The following ZMIZ1 variants were observed in gnomAD, a reference collection of about 807,000 sequenced individuals.
ZMIZ1 encodes the protein zinc finger MIZ-type containing 1.
A neutral mutation model predicts 113.9 loss-of-function variants in ZMIZ1; 17 were observed. The ratio of observed to expected loss-of-function variants is 0.15; its 90% CI spans 0.10 to 0.22. The LOEUF is 0.22. ZMIZ1 is among the 10% of genes least tolerant of loss of function. The pLI is 1.00. For synonymous variants in ZMIZ1, 607 were observed against 603.1 expected (o/e 1.01, Z -0.09); for missense variants, 1,059 against 1,477.8 (o/e 0.72, Z 4.65).
chr10:79,165,394 G>A (rs1273855337), intron 4 of ZMIZ1, among the ~76,000 whole-genome samples: 1 of 152,194 alleles, frequency 6.6e-6, no homozygotes, highest in Non-Finnish European at 1.5e-5. Flanking sequence ...CCTAGCCTGA[G>A]TAGTGGCTCT....
At chr10:79,218,689 T>C (rs1410904776) in intron 7 of ZMIZ1, among the ~76,000 whole-genome samples, 3 of 151,824 alleles carry the variant, frequency 2.0e-5, no homozygotes, top group Non-Finnish European at 4.4e-5. Flanking sequence ...GGGGGTGTTG[T>C]TGAGGGCAGA....
At chr10:79,088,402 T>C (rs1842881180) in intron 1 of ZMIZ1, among the ~76,000 whole-genome samples, 1 of 152,106 alleles carries the variant, frequency 6.6e-6, no homozygotes, top group African/African-American at 2.4e-5. Flanking sequence ...TGTGGGCAAA[T>C]GAGCTCCAGC....
intron 4 of ZMIZ1, among the ~76,000 whole-genome samples, chr10:79,175,630 G>GTGTGTGTGTGTGTGTGTGTGTGT: frequency 1.0e-5 from 1 of 96,436 alleles, no homozygotes; most frequent in Non-Finnish European, 2.2e-5. Flanking sequence ...GTGTGTGTGT[G>GTGTGTGTGTGTGTGTGTGTGTGT]GAGGTTTTTA....
At chr10:79,240,159 A>T (rs368649591) in intron 7 of ZMIZ1, among the ~76,000 whole-genome samples, 7 of 126,490 alleles carry the variant, frequency 5.5e-5, no homozygotes, top group African/African-American at 1.6e-4. Flanking sequence ...AAGGAGCCGC[A>T]GCGCGGGGGC....
chr10:79,282,745 G>A (rs1046974007), intron 8 of ZMIZ1, among the ~76,000 whole-genome samples: 1 of 152,258 alleles, frequency 6.6e-6, no homozygotes, highest in Non-Finnish European at 1.5e-5. Context: ...ATATCTGGGG[G>A]TAAGGGTGGT....
At chr10:79,151,667 A>G (rs1845714827) in intron 3 of ZMIZ1, among the ~76,000 whole-genome samples, 1 of 151,986 alleles carries the variant, frequency 6.6e-6, no homozygotes, top group Admixed American at 6.5e-5. Flanking sequence ...TGGCACCACC[A>G]CCCCTCCTTC....
chr10:79,182,297 G>A (rs1052928289), intron 4 of ZMIZ1, among the ~76,000 whole-genome samples: 21 of 152,334 alleles, frequency 1.4e-4, no homozygotes, highest in African/African-American at 5.1e-4. Flanking sequence ...CCAAGTCTGG[G>A]CTGCCTGGCT....
chr10:79,191,418 C>T (rs1033459384), intron 4 of ZMIZ1, among the ~76,000 whole-genome samples: 4 of 152,098 alleles, frequency 2.6e-5, no homozygotes, highest in African/African-American at 9.7e-5. Flanking sequence ...TTCCCTATAT[C>T]CTCCAAGGGC....
At chr10:79,172,362 G>A (rs991857131) in intron 4 of ZMIZ1, among the ~76,000 whole-genome samples, 1 of 152,146 alleles carries the variant, frequency 6.6e-6, no homozygotes, top group African/African-American at 2.4e-5. Context: ...AGGAAAATGA[G>A]CACCTGTGGC....
At chr10:79,258,942 G>A (rs1333694375) in intron 7 of ZMIZ1, among the ~76,000 whole-genome samples, 1 of 152,238 alleles carries the variant, frequency 6.6e-6, no homozygotes, top group Non-Finnish European at 1.5e-5. Context: ...GCCAGCTGCT[G>A]AGGAGTGATG....
chr10:79,107,867 T>C (rs1843614011), intron 1 of ZMIZ1, among the ~76,000 whole-genome samples: 1 of 152,180 alleles, frequency 6.6e-6, no homozygotes, highest in Non-Finnish European at 1.5e-5. Flanking sequence ...AAAGACCCAG[T>C]TGCTTTGTCC....
intron 1 of ZMIZ1, among the ~76,000 whole-genome samples, chr10:79,093,754 A>G (rs1843071023): frequency 6.6e-6 from 1 of 152,092 alleles, no homozygotes; most frequent in African/African-American, 2.4e-5. Context: ...CCACTACCCT[A>G]TGCACACCCT....
rs752856624 is a variant in ZMIZ1 at position 79,313,026 on chromosome 10, G to A, written c.*277G>A. The A allele has an allele frequency of 2.3e-5, 11 of 469,032 alleles. No individual in the cohort carries two copies. Among genetic ancestry groups the A allele is most frequent in the Non-Finnish European group, 3.4e-5 (9 of 261,166 alleles). 29.1% of individuals were successfully genotyped at this position (469,032 alleles called of 1,614,324 possible). On this transcript the variant is annotated 3_prime_UTR_variant, in exon 25 of 25. Transcript: ENST00000334512. ...GCGCAGGCCTGAAGACCACCCTCCC[G>A]AGAGGAACCAGCCCGGTAAGAGGGC...
intron 1 of ZMIZ1, among the ~76,000 whole-genome samples, chr10:79,087,697 C>T (rs148694348): frequency 6.0e-4 from 92 of 152,356 alleles, no homozygotes; most frequent in African/African-American, 2.1e-3. Flanking sequence ...AAATTCAGTG[C>T]CCTTCATTCT....
intron 1 of ZMIZ1, among the ~76,000 whole-genome samples, chr10:79,088,786 G>A (rs562305532): frequency 1.3e-5 from 2 of 152,278 alleles, no homozygotes; most frequent in South Asian, 2.1e-4. Flanking sequence ...TCCATTTAGC[G>A]GTCCCCACTG....
chr10:79,176,136 G>T (rs939490651), intron 4 of ZMIZ1, among the ~76,000 whole-genome samples: 1 of 152,000 alleles, frequency 6.6e-6, no homozygotes, highest in African/African-American at 2.4e-5. Context: ...GACCGCACGT[G>T]TTCCGGAGGC....
intron 20 of ZMIZ1, 135 bp downstream of exon 20, chr10:79,305,366 G>T: frequency 8.2e-7 from 1 of 1,219,018 alleles, no homozygotes. Flanking sequence ...AGGTTATGGG[G>T]GCTCCAGGTG....
chr10:79,229,349 A>G lies in ZMIZ1; in HGVS notation c.280+13075A>G, dbSNP rs74357293. Among the ~76,000 whole-genome samples, 1,275 of 152,336 alleles carry G rather than the reference A, an allele frequency of 8.4e-3. 37 individuals carry two copies. Among genetic ancestry groups the G allele is most frequent in the East Asian group, 0.077 (399 of 5,186 alleles). On this transcript the variant is annotated intron_variant, in intron 7 of 24. Transcript: ENST00000334512. ...GAGCCCAGAGAGACACAGAACCCAG[A>G]GCTCGGGAAGTCTGGCCACGGCTTT...
At chr10:79,117,933 T>C (rs1364003308) in intron 1 of ZMIZ1, among the ~76,000 whole-genome samples, 1 of 152,200 alleles carries the variant, frequency 6.6e-6, no homozygotes, top group Non-Finnish European at 1.5e-5. Context: ...CCCAGAGGCC[T>C]CCTATTGCCT....
Sources: allele counts gnomAD v4.1 joint callset (sites outside exome capture counted in the v4.1 genomes callset), GRCh38; gene constraint gnomAD v4.1.1; transcripts MANE v1.5; gene names NCBI Gene and HGNC (gene_info 2026-07-23, HGNC 2026-07-21).